The following RARA variants were observed in gnomAD, a reference collection of about 807,000 sequenced individuals.
RARA encodes retinoic acid receptor alpha, also known as PML-DDX5-RARA fusion.
In RARA, 5 loss-of-function variants were observed where a neutral mutation model predicts 42.8. The observed-to-expected ratio is 0.12, with a 90% CI of 0.06 to 0.25. RARA has a LOEUF of 0.25. RARA is among the 10% of genes least tolerant of loss of function. RARA has a pLI of 1.00. For synonymous variants in RARA, 256 were observed against 259.5 expected, an observed-to-expected ratio of 0.99 and a Z score of 0.13; for missense variants, 402 against 628.7, an observed-to-expected ratio of 0.64 and a Z score of 3.86.
chr17:40,356,046 G>A lies in RARA; in HGVS notation c.1209G>A (p.Pro403=), dbSNP rs751753990. 14 of 1,607,582 alleles carry A rather than the reference G, an allele frequency of 8.7e-6. No homozygotes were observed. The highest frequency in any genetic ancestry group is 3.3e-5 in the South Asian group (3 of 89,970). ...TGATCACGCTGAAGATGGAGATCCC[G>A]GGCTCCATGCCGCCTCTCATCCAGG... ...ERVITLKMEI[P]GSMPPLIQEM... is the part of the protein sequence containing the mutation. Residue 403 remains proline (P), a synonymous_variant, in exon 9 of 9, where the codon CCG becomes CCA. Transcript: ENST00000254066.
rs940244347 is a variant in RARA, at chr17:40,326,187, T to A, written c.-362-4670T>A. ...GTGAGGCAAGGGAAAGCAGGCCGAC[T>A]GCTGAGGGGCACCAAGGTGGTGGCA... is the stretch of plus-strand genomic sequence containing the variant. On this transcript the variant is annotated intron_variant, in intron 1 of 8. Transcript: ENST00000254066. The surrounding 1 kb of genome is among the most constrained non-coding windows in gnomAD (Gnocchi z 5.2). 6.6e-6 allele frequency among the ~76,000 whole-genome samples: 1 copy of A among 152,216 alleles called. No individual in the cohort carries two copies. The highest frequency in any genetic ancestry group is 6.5e-5 in the Admixed American group (1 of 15,286).
rs1441889887 is a variant in RARA, at chr17:40,327,044, C to G, written c.-362-3813C>G. Among the ~76,000 whole-genome samples the G allele has an allele frequency of 3.3e-5, 5 of 151,830 alleles. No homozygotes were observed. The East Asian group carries it at 9.7e-4, about 29-fold the overall frequency. On this transcript the variant is annotated intron_variant, in intron 1 of 8. Transcript: ENST00000254066. Reference sequence around the variant, plus strand: ...AATTTGCAGGCAGAGCTGGGTTAGGCTTTTTGGAGGCTCTGATAGGGGTCT... The same window carrying G: ...AATTTGCAGGCAGAGCTGGGTTAGGGTTTTTGGAGGCTCTGATAGGGGTCT...
At chr17:40,323,989 C>T (rs1448447619) in intron 1 of RARA, among the ~76,000 whole-genome samples, 4 of 152,032 alleles carry the variant, frequency 2.6e-5, no homozygotes, top group Admixed American at 2.6e-4. Context: ...GGGGTGAGGG[C>T]TGCTGCAGCC....
At chr17:40,349,951 G>A (rs2034389052) in intron 4 of RARA, 26 bp downstream of exon 4, 1 of 1,611,150 alleles carries the variant, frequency 6.2e-7, no homozygotes, top group Non-Finnish European at 8.5e-7. Context: ...CAGGGGCCGA[G>A]TCCCGCCTCA....
At position 40,351,548 on chromosome 17, in the gene RARA, G is replaced by A. The variant is rs967043667; in HGVS notation, c.470-362G>A. 8.5e-6 allele frequency: 4 copies of A among 473,214 alleles called. No individual in the cohort carries two copies. Among genetic ancestry groups the A allele is most frequent in the Non-Finnish European group, 1.7e-5 (4 of 233,276 alleles). The allele number at this position is 473,214 out of a possible 1,614,324, so 29.3% of individuals were successfully genotyped here. On this transcript the variant is annotated intron_variant, in intron 4 of 8. Transcript: ENST00000254066. The surrounding 1 kb of genome is among the most constrained non-coding windows in gnomAD (Gnocchi z 4.1). Reference sequence around the variant, plus strand: ...GAGGGCTGGGTGAGTGGAGGCGGGAGAAGGACCTTCCTGGGGAAAGAGGAG... The same window carrying A: ...GAGGGCTGGGTGAGTGGAGGCGGGAAAAGGACCTTCCTGGGGAAAGAGGAG...
rs780727297 is a variant in RARA, at chr17:40,356,565, C to T, written c.*339C>T. 8.3e-5 allele frequency: 48 copies of T among 581,318 alleles called. No individual in the cohort carries two copies. Among genetic ancestry groups the T allele is most frequent in the Non-Finnish European group, 8.1e-5 (25 of 306,788 alleles). 36.0% of individuals were successfully genotyped at this position (581,318 alleles called of 1,614,324 possible). On this transcript the variant is annotated 3_prime_UTR_variant, in exon 9 of 9. Coordinates refer to ENST00000254066, the MANE Select transcript of RARA (RefSeq NM_000964.4). ...TCACCACATCTTCATCACCAGCAAA[C>T]GCCAGGACTTGGCTCCCCCATCCTC...
chr17:40,335,690 C>T (rs1351437292), intron 2 of RARA, among the ~76,000 whole-genome samples: 5 of 148,564 alleles, frequency 3.4e-5, no homozygotes, highest in Admixed American at 6.7e-5. Context: ...CCTCTGTCTC[C>T]GAAAAAAAAA....
At position 40,354,604 on chromosome 17, in the gene RARA, C is replaced by T. The variant is rs1289995184; in HGVS notation, c.1012+98C>T. 6 of 1,382,096 alleles carry T rather than the reference C, an allele frequency of 4.3e-6. No individual in the cohort carries two copies. The highest frequency in any genetic ancestry group is 5.9e-6 in the Non-Finnish European group (6 of 1,015,768). The allele number at this position is 1,382,096 out of a possible 1,614,324, so 85.6% of individuals were successfully genotyped here. ...CTTTCAGGCCACCTCTGTTAGGTAT[C>T]TCTAGAGGGCAGGGTCTGGTCTGCA... is the stretch of plus-strand genomic sequence containing the variant. On this transcript the variant is annotated intron_variant, in intron 7 of 8. Transcript: ENST00000254066. The surrounding 1 kb of genome is among the most constrained non-coding windows in gnomAD (Gnocchi z 4.5).
In RARA at chr17:40,356,322, C is replaced by T; in HGVS notation, c.*96C>T. On this transcript the variant is annotated 3_prime_UTR_variant, in exon 9 of 9. Transcript: ENST00000254066. Reference sequence around the variant, plus strand: ...GACCCCGCACCAGCCCTGCCCCCACCTGCCCTCCCGGGCAGTACTGGGGAC... The same window carrying T: ...GACCCCGCACCAGCCCTGCCCCCACTTGCCCTCCCGGGCAGTACTGGGGAC... The T allele has an allele frequency of 2.2e-6, 3 of 1,344,218 alleles. No individual in the cohort carries two copies. The highest frequency in any genetic ancestry group is 2.1e-6 in the Non-Finnish European group (2 of 968,120). 83.3% of individuals were successfully genotyped at this position (1,344,218 alleles called of 1,614,324 possible). A position where few individuals can be genotyped will look rare whatever the true frequency, so the allele number is the denominator to read the frequency against.
rs139444391 is a variant in RARA, at chr17:40,338,329, G to A, written c.178+6933G>A. Among the ~76,000 whole-genome samples, 1,456 of 152,280 alleles carry A rather than the reference G, an allele frequency of 9.6e-3. 10 individuals are homozygous for A. The highest frequency in any genetic ancestry group is 0.02 in the Middle Eastern group (6 of 294). ...CTCCTCTGTGGAGTTGGGGCACAGCGAGGGATTGGGCCTCCCAGGGTTGAC... is the reference window on the plus strand; with the variant it reads ...CTCCTCTGTGGAGTTGGGGCACAGCAAGGGATTGGGCCTCCCAGGGTTGAC... On this transcript the variant is annotated intron_variant, in intron 2 of 8. Transcript: ENST00000254066.
intron 2 of RARA, chr17:40,341,593 A>G (rs1487577612): frequency 1.5e-6 from 2 of 1,362,374 alleles, no homozygotes; most frequent in South Asian, 1.8e-5. Flanking sequence ...CGGGCTGGCG[A>G]GCGGGTGATG....
intron 1 of RARA, among the ~76,000 whole-genome samples, chr17:40,324,274 G>A (rs1197747355): frequency 6.6e-6 from 1 of 152,138 alleles, no homozygotes; most frequent in Non-Finnish European, 1.5e-5. Flanking sequence ...GGCCTCAGTA[G>A]GCTCATCTCT....
intron 2 of RARA, chr17:40,341,743 C>T (rs1441433764): frequency 2.3e-6 from 3 of 1,294,580 alleles, no homozygotes; most frequent in African/African-American, 3.1e-5. Flanking sequence ...CGGGACCACC[C>T]CCCTCTTCCC....
chr17:40,342,519 C>T (rs1434433203), intron 2 of RARA: 28 of 1,317,818 alleles, frequency 2.1e-5, no homozygotes, highest in East Asian at 3.1e-5. Flanking sequence ...CCGGGACTGG[C>T]GGAGCGGCCG....
intron 2 of RARA, chr17:40,341,120 AC>A (rs985490219): frequency 7.3e-6 from 3 of 410,278 alleles, no homozygotes; most frequent in Non-Finnish European, 1.3e-5. Flanking sequence ...CTAGGGACCT[AC>A]CCAAGCTAGG....
At chr17:40,325,466 C>A (rs1261762854) in intron 1 of RARA, among the ~76,000 whole-genome samples, 1 of 152,008 alleles carries the variant, frequency 6.6e-6, no homozygotes, top group Admixed American at 6.5e-5. Flanking sequence ...TGCTCCCCAA[C>A]CCCTGTCTGC....
At chr17:40,346,960 C>G (rs1282350974) in intron 2 of RARA, among the ~76,000 whole-genome samples, 2 of 152,218 alleles carry the variant, frequency 1.3e-5, no homozygotes, top group Non-Finnish European at 2.9e-5. Flanking sequence ...GCCTAGTTCC[C>G]TGTCATCAGC....
chr17:40,336,019 A>C (rs1301384796), intron 2 of RARA, among the ~76,000 whole-genome samples: 1 of 152,028 alleles, frequency 6.6e-6, no homozygotes, highest in Non-Finnish European at 1.5e-5. Context: ...AACAACAACA[A>C]CTTGGACATT....
rs1433427251 is a variant in RARA, at chr17:40,352,867, C to T, written c.807+360C>T. On this transcript the variant is annotated intron_variant, in intron 6 of 8. Transcript: ENST00000254066. The surrounding 1 kb of genome is among the most constrained non-coding windows in gnomAD (Gnocchi z 4.9). Reference sequence around the variant, plus strand: ...AGCGAGGCAGGAGGATCACTTGAGGCTGGAAGTTCAAGACCACCCTGGGCA... The same window carrying T: ...AGCGAGGCAGGAGGATCACTTGAGGTTGGAAGTTCAAGACCACCCTGGGCA... Among the ~76,000 whole-genome samples, 1 of 152,134 alleles carries T rather than the reference C, an allele frequency of 6.6e-6. No individual in the cohort carries two copies. The highest frequency in any genetic ancestry group is 6.5e-5 in the Admixed American group (1 of 15,290).
Sources: gnomAD v4.1 joint callset for allele counts (sites outside exome capture counted in the v4.1 genomes callset) on GRCh38, gnomAD v4.1.1 for gene constraint, Gnocchi (gnomAD v3.1) non-coding constraint, MANE v1.5 for transcripts, NCBI Gene and HGNC (gene_info 2026-07-23, HGNC 2026-07-21) for gene names.